Variants in HSP90AA1 observed in about 807,000 individuals in gnomAD.
HSP90AA1 encodes the protein heat shock protein 90 alpha family class A member 1.
HSP90AA1 carries 18 observed loss-of-function variants against 73.3 expected under a neutral mutation model. That is an observed-to-expected ratio of 0.25 (90% CI 0.17 to 0.36). The LOEUF is 0.36. Among genes scored for constraint, HSP90AA1 ranks in the 10% least tolerant of loss-of-function variants. HSP90AA1 has a pLI of 1.00. For missense variants in HSP90AA1, 704 were observed against 874.2 expected (o/e 0.81, Z 2.45); for synonymous variants, 477 against 296.9 (o/e 1.61, Z -6.24).
Position 102,080,812 on chromosome 14 carries a change from TAA to T in HSP90AA1, c.*898_*899del. 1 of 224,914 alleles carries T rather than the reference TAA, an allele frequency of 4.4e-6. No homozygotes were observed. The highest frequency in any genetic ancestry group is 8.9e-6 in the Non-Finnish European group (1 of 112,868). 13.9% of individuals were successfully genotyped at this position (224,914 alleles called of 1,614,324 possible). ...AATAACATCAAAACAACGTGGACACTAAGAGAACACATGTAACTCATGGACGC... is the reference window on the plus strand; with the variant it reads ...AATAACATCAAAACAACGTGGACACTGAGAACACATGTAACTCATGGACGC... On this transcript the variant is annotated 3_prime_UTR_variant, in exon 11 of 11. Transcript: ENST00000216281.
intron 1 of HSP90AA1, among the ~76,000 whole-genome samples, chr14:102,135,934 T>C (rs1016879296): frequency 1.3e-5 from 2 of 152,204 alleles, no homozygotes; most frequent in Non-Finnish European, 2.9e-5. Context: ...GGCTCCAGCC[T>C]TGGCCAGCCC....
exon 2 of HSP90AA1, chr14:102,101,902 C>T (rs2152619434): frequency 6.2e-7 from 1 of 1,614,078 alleles, no homozygotes; most frequent in African/African-American, 1.3e-5. Context: ...TAAATGGCTG[C>T]AGATCCTTGT....
At position 102,139,290 on chromosome 14, in the gene HSP90AA1, C is replaced by CT; in HGVS notation, c.114dup (p.Gly39ArgfsTer5). The CT allele has an allele frequency of 6.2e-7, 1 of 1,614,034 alleles. No individual in the cohort carries two copies. Among genetic ancestry groups the CT allele is most frequent in the Non-Finnish European group, 8.5e-7 (1 of 1,180,014 alleles). ...GGCGAGGAGGCTTCAGAGGGGCTTC[C>CT]TGGGCGGGGATCCAGACGGTCGCGC... On this transcript the variant is annotated frameshift_variant, in exon 1 of 12. Coordinates refer to the HSP90AA1 transcript ENST00000334701. LOFTEE classifies it high-confidence loss of function.
intron 2 of HSP90AA1, among the ~76,000 whole-genome samples, chr14:102,093,337 T>C (rs1007058154): frequency 4.0e-5 from 6 of 151,192 alleles, no homozygotes; most frequent in African/African-American, 1.5e-4. Context: ...GGTGAAACGC[T>C]GTCTCTACTA....
chr14:102,083,456 G>C (rs990735910), intron 8 of HSP90AA1, 90 bp downstream of exon 8: 7 of 1,432,740 alleles, frequency 4.9e-6, no homozygotes, highest in Non-Finnish European at 5.9e-6. Flanking sequence ...AATACCAGTT[G>C]TAACAGTGCT....
chr14:102,083,705 T>C lies in HSP90AA1; in HGVS notation c.1339-12A>G, dbSNP rs1023636506. 1.2e-6 allele frequency: 2 copies of C among 1,606,310 alleles called. No homozygotes were observed. The highest frequency in any genetic ancestry group is 1.4e-5 in the African/African-American group (1 of 73,666). On this transcript the variant is annotated splice_polypyrimidine_tract_variant and intron_variant, in intron 7 of 10. Transcript: ENST00000216281. ...TCGTGTATTCCAAGCTGAAACAAAG[T>C]ATGTTCTTTACAAAGACTTTCTGAA...
chr14:102,139,578 C>T, exon 1 of HSP90AA1: 1 of 723,900 alleles, frequency 1.4e-6, no homozygotes, highest in Non-Finnish European at 2.2e-6. Context: ...CGCGGTTCCC[C>T]CTGACCGGCT....
At position 102,084,271 on chromosome 14, in the gene HSP90AA1, C is replaced by A. The variant is rs577379654; in HGVS notation, c.1147+128G>T. On this transcript the variant is annotated intron_variant, in intron 6 of 10. Transcript: ENST00000216281. ...ATGTTGCCCAGGCTGGTCTTGAACTCCTGACCTCAAGTGATCTGCCCACCC... is the reference window on the plus strand; with the variant it reads ...ATGTTGCCCAGGCTGGTCTTGAACTACTGACCTCAAGTGATCTGCCCACCC... The A allele has an allele frequency of 2.2e-5, 19 of 864,842 alleles. No individual in the cohort carries two copies. In the Admixed American group the frequency reaches 3.1e-4, roughly 14 times the overall value. 53.6% of individuals were successfully genotyped at this position (864,842 alleles called of 1,614,324 possible).
At chr14:102,110,957 A>G (rs562806759) in intron 1 of HSP90AA1, among the ~76,000 whole-genome samples, 9 of 152,224 alleles carry the variant, frequency 5.9e-5, no homozygotes, top group African/African-American at 1.7e-4. Flanking sequence ...ACCTCAGGTG[A>G]TCCACCTGCC....
At chr14:102,086,170 G>A (rs761489432) in intron 2 of HSP90AA1, 46 bp from the exon 3 acceptor site, 6 of 1,613,718 alleles carry the variant, frequency 3.7e-6, no homozygotes, top group Admixed American at 3.3e-5. Flanking sequence ...CCCCCAAGAA[G>A]TTCACACTGA....
intron 2 of HSP90AA1, among the ~76,000 whole-genome samples, chr14:102,094,860 A>C (rs1191639374): frequency 6.6e-6 from 1 of 152,142 alleles, no homozygotes; most frequent in African/African-American, 2.4e-5. Context: ...GTGTGTAGGA[A>C]GCACGCTTCC....
At chr14:102,124,070 A>G (rs772915650) in intron 1 of HSP90AA1, among the ~76,000 whole-genome samples, 11 of 151,868 alleles carry the variant, frequency 7.2e-5, no homozygotes, top group Non-Finnish European at 1.5e-4. Flanking sequence ...GGCGGAAACT[A>G]CCACGTCCAG....
chr14:102,084,157 C>T (rs537550213), intron 6 of HSP90AA1, 174 bp from the exon 7 acceptor site: 18 of 705,284 alleles, frequency 2.6e-5, no homozygotes, highest in Non-Finnish European at 4.4e-5. Context: ...GCAACCTCTG[C>T]CTCCCGGGGG....
intron 1 of HSP90AA1, among the ~76,000 whole-genome samples, chr14:102,103,245 T>C (rs1158955672): frequency 8.3e-6 from 1 of 121,210 alleles, no homozygotes; most frequent in Non-Finnish European, 1.7e-5. Context: ...TTTTTTCAGA[T>C]AGGGTCTCGG....
intron 1 of HSP90AA1, among the ~76,000 whole-genome samples, chr14:102,134,649 C>G (rs1449304888): frequency 6.6e-6 from 1 of 152,090 alleles, no homozygotes; most frequent in East Asian, 1.9e-4. Flanking sequence ...GGCAGCACGT[C>G]TGGAGTTGTT....
intron 1 of HSP90AA1, among the ~76,000 whole-genome samples, chr14:102,129,199 C>T (rs1164340144): frequency 7.4e-6 from 1 of 134,570 alleles, no homozygotes; most frequent in African/African-American, 2.9e-5. Flanking sequence ...TGCAGTGGGG[C>T]AATCTCAGCT....
upstream of HSP90AA1, among the ~76,000 whole-genome samples, chr14:102,087,386 T>G (rs2049272252): frequency 1.3e-5 from 2 of 151,374 alleles, no homozygotes; most frequent in Non-Finnish European, 3.0e-5. Flanking sequence ...CACCCCCACC[T>G]GCCGCGGGCG....
upstream of HSP90AA1, among the ~76,000 whole-genome samples, chr14:102,090,164 G>C (rs2049335155): frequency 6.6e-6 from 1 of 152,176 alleles, no homozygotes; most frequent in African/African-American, 2.4e-5. Context: ...GCCCCCACGA[G>C]GCTGTGCAAA....
At chr14:102,129,351 C>T (rs539338381) in intron 1 of HSP90AA1, among the ~76,000 whole-genome samples, 10 of 151,644 alleles carry the variant, frequency 6.6e-5, no homozygotes, top group Admixed American at 2.0e-4. Context: ...ATTCACCCAA[C>T]GACTATTATT....
Sources: allele counts gnomAD v4.1 joint callset (sites outside exome capture counted in the v4.1 genomes callset), GRCh38; gene constraint gnomAD v4.1.1; transcripts MANE v1.5; gene names NCBI Gene and HGNC (gene_info 2026-07-23, HGNC 2026-07-21).